The following DCC variants were observed in gnomAD, a reference collection of about 807,000 sequenced individuals.
DCC encodes DCC netrin 1 receptor, also known as netrin receptor DCC.
Under a neutral mutation model 172.5 loss-of-function variants are expected in DCC, and 58 were observed. The ratio of observed to expected loss-of-function variants is 0.34; its 90% CI spans 0.27 to 0.42. The LOEUF is 0.42. DCC is among the 10% of genes least tolerant of loss of function. DCC has a pLI of 1.00. For synonymous variants in DCC, 709 were observed against 644.5 expected, an observed-to-expected ratio of 1.10 and a Z score of -1.52; for missense variants, 1,740 against 1,791.0, an observed-to-expected ratio of 0.97 and a Z score of 0.51.
In DCC at chr18:53,534,733, G is replaced by A. The variant is rs558281185; in HGVS notation, c.*4080G>A. On this transcript the variant is annotated 3_prime_UTR_variant, in exon 29 of 29. Coordinates refer to ENST00000442544, the MANE Select transcript of DCC (RefSeq NM_005215.4). ...CTATCTAAATACCTGTTGCCAAAAA[G>A]TATTGATTTGGGAAAAAAAATGCCA... 2 of 152,154 alleles carry A rather than the reference G, an allele frequency of 1.3e-5. No homozygotes were observed. Among genetic ancestry groups the A allele is most frequent in the East Asian group, 3.9e-4 (2 of 5,182 alleles). 9.4% of individuals were successfully genotyped at this position (152,154 alleles called of 1,614,324 possible).
intron 5 of DCC, among the ~76,000 whole-genome samples, chr18:53,006,960 A>G (rs1048292739): frequency 3.3e-5 from 5 of 152,244 alleles, no homozygotes; most frequent in Non-Finnish European, 5.9e-5. Context: ...TTGTACCATC[A>G]GAAATGGTAT....
intron 13 of DCC, among the ~76,000 whole-genome samples, chr18:53,319,377 G>T (rs887460732): frequency 2.0e-5 from 3 of 151,998 alleles, no homozygotes; most frequent in Non-Finnish European, 2.9e-5. Flanking sequence ...CATCTCACTT[G>T]CAGAGACACA....
At chr18:53,386,776 G>A (rs1286222781) in intron 16 of DCC, among the ~76,000 whole-genome samples, 2 of 152,150 alleles carry the variant, frequency 1.3e-5, no homozygotes, top group East Asian at 1.9e-4. Context: ...GAGTGAAAGG[G>A]CTCAAGATAC....
intron 2 of DCC, among the ~76,000 whole-genome samples, chr18:52,827,511 A>G (rs2038533859): frequency 6.6e-6 from 1 of 152,234 alleles, no homozygotes; most frequent in African/African-American, 2.4e-5. Flanking sequence ...TCATACTGCA[A>G]AACTATTATT....
intron 7 of DCC, among the ~76,000 whole-genome samples, chr18:53,081,432 G>T (rs1240976455): frequency 6.6e-6 from 1 of 151,648 alleles, no homozygotes; most frequent in Admixed American, 6.6e-5. Flanking sequence ...ACCAAACAAT[G>T]ATTTAGAATC....
In DCC at chr18:52,755,555, T is replaced by A. The variant is rs1480994518; in HGVS notation, c.412+3181T>A. On this transcript the variant is annotated intron_variant, in intron 2 of 28. Transcript: ENST00000442544. Reference sequence around the variant, plus strand: ...TGTTTGGCAACACAGAATACATCAATGTTATGTCTGCTGAGGTTAAGATTG... The same window carrying A: ...TGTTTGGCAACACAGAATACATCAAAGTTATGTCTGCTGAGGTTAAGATTG... 2.0e-5 allele frequency among the ~76,000 whole-genome samples: 3 copies of A among 152,146 alleles called. No homozygotes were observed. In the East Asian group the frequency reaches 5.8e-4, roughly 29 times the overall value.
chr18:52,642,936 A>G (rs1310129706), intron 1 of DCC, among the ~76,000 whole-genome samples: 1 of 152,196 alleles, frequency 6.6e-6, no homozygotes, highest in Non-Finnish European at 1.5e-5. Flanking sequence ...TACAGGCATG[A>G]GACGTTGCAC....
At chr18:53,172,477 A>C (rs146407344) in intron 8 of DCC, among the ~76,000 whole-genome samples, 255 of 152,318 alleles carry the variant, frequency 1.7e-3, no homozygotes, top group African/African-American at 5.9e-3. Flanking sequence ...TAATGAAATT[A>C]TTTAAAAAAT....
chr18:52,752,450 A>AT (rs1169813267), intron 2 of DCC, 76 bp downstream of exon 2: 7 of 1,133,038 alleles, frequency 6.2e-6, no homozygotes, highest in Non-Finnish European at 8.0e-6. Flanking sequence ...TGAGAAAATA[A>AT]TTTTTGTAGA....
At chr18:52,948,026 CAGAA>C (rs2040576309) in intron 5 of DCC, among the ~76,000 whole-genome samples, 1 of 152,078 alleles carries the variant, frequency 6.6e-6, no homozygotes, top group Non-Finnish European at 1.5e-5. Flanking sequence ...GAACAAAACA[CAGAA>C]AGATGTATAT....
chr18:53,159,260 C>T (rs1399400149), intron 8 of DCC, among the ~76,000 whole-genome samples: 3 of 152,068 alleles, frequency 2.0e-5, no homozygotes, highest in African/African-American at 7.2e-5. Flanking sequence ...ACTTTCTCCT[C>T]CTTATGTATA....
intron 7 of DCC, among the ~76,000 whole-genome samples, chr18:53,103,224 C>T (rs1480413824): frequency 6.6e-6 from 1 of 151,934 alleles, no homozygotes; most frequent in Non-Finnish European, 1.5e-5. Flanking sequence ...CAAATCCAGG[C>T]CCAGCTTCTA....
At chr18:53,011,515 T>A (rs944578823) in intron 5 of DCC, among the ~76,000 whole-genome samples, 4 of 151,860 alleles carry the variant, frequency 2.6e-5, no homozygotes, top group African/African-American at 7.2e-5. Context: ...ACTTAAAAAG[T>A]CAACTTTTTC....
At chr18:52,475,335 G>A (rs1239498200) in intron 1 of DCC, among the ~76,000 whole-genome samples, 1 of 152,160 alleles carries the variant, frequency 6.6e-6, no homozygotes, top group Non-Finnish European at 1.5e-5. Flanking sequence ...TGAACATGGA[G>A]CTCCAATAGT....
intron 2 of DCC, among the ~76,000 whole-genome samples, chr18:52,885,692 C>T (rs970361423): frequency 6.6e-6 from 1 of 152,058 alleles, no homozygotes; most frequent in Non-Finnish European, 1.5e-5. Context: ...AGACAAAGTC[C>T]CCTTTACTTT....
intron 7 of DCC, among the ~76,000 whole-genome samples, chr18:53,116,004 A>G (rs1314223063): frequency 6.6e-6 from 1 of 151,504 alleles, no homozygotes; most frequent in African/African-American, 2.4e-5. Context: ...TTCAAAGTAG[A>G]TTAGATAAAT....
At chr18:52,898,532 T>C (rs2039764339) in intron 2 of DCC, among the ~76,000 whole-genome samples, 1 of 152,188 alleles carries the variant, frequency 6.6e-6, no homozygotes. Context: ...TCTGACTGTC[T>C]GGATCTGATG....
intron 1 of DCC, among the ~76,000 whole-genome samples, chr18:52,607,459 T>G (rs1568252629): frequency 1.3e-5 from 2 of 152,132 alleles, no homozygotes; most frequent in African/African-American, 2.4e-5. Flanking sequence ...ATGAGCAAAT[T>G]CAAAGTGACC....
rs1387842190 is a variant in DCC at position 52,829,526 on chromosome 18, A to G, written c.413-76518A>G. On this transcript the variant is annotated intron_variant, in intron 2 of 28. Coordinates refer to ENST00000442544, the MANE Select transcript of DCC (RefSeq NM_005215.4). ...TATAAATGATTCATACTATTGATTC[A>G]CTTGGCAAGTGGAAGGGCTGAGCTC... 2.0e-5 allele frequency among the ~76,000 whole-genome samples: 3 copies of G among 152,202 alleles called. No individual in the cohort carries two copies. In the East Asian group the frequency reaches 5.8e-4, roughly 29 times the overall value.
Sources: allele counts gnomAD v4.1 joint callset (sites outside exome capture counted in the v4.1 genomes callset), GRCh38; gene constraint gnomAD v4.1.1; transcripts MANE v1.5; gene names NCBI Gene and HGNC (gene_info 2026-07-23, HGNC 2026-07-21).